The following GREB1 variants were observed in gnomAD, a reference collection of about 807,000 sequenced individuals.
GREB1 encodes the protein growth regulating estrogen receptor binding 1, also known as protein GREB1.
A neutral mutation model predicts 200.7 loss-of-function variants in GREB1; 106 were observed. The ratio of observed to expected loss-of-function variants is 0.53; its 90% CI spans 0.45 to 0.62. GREB1 has a LOEUF of 0.62. GREB1 is among the 20% of genes least tolerant of loss of function. The pLI is 0.00. For synonymous variants in GREB1, 1,132 were observed against 1,092.4 expected, an observed-to-expected ratio of 1.04 and a Z score of -0.72; for missense variants, 2,243 against 2,556.8, an observed-to-expected ratio of 0.88 and a Z score of 2.65.
intron 1 of GREB1, among the ~76,000 whole-genome samples, chr2:11,538,607 G>GTCTT (rs1674408280): frequency 6.9e-6 from 1 of 144,658 alleles, no homozygotes; most frequent in Non-Finnish European, 1.6e-5. Context: ...ACAGGAGCTT[G>GTCTT]TGTTTCTTTC....
intron 1 of GREB1, among the ~76,000 whole-genome samples, chr2:11,497,191 T>G (rs1672911109): frequency 6.6e-6 from 1 of 152,244 alleles, no homozygotes; most frequent in South Asian, 2.1e-4. Context: ...AATTCAAAAA[T>G]ATCATATAGA....
intron 17 of GREB1, among the ~76,000 whole-genome samples, chr2:11,609,491 A>ACTCCTGAC (rs1161611832): frequency 6.6e-6 from 1 of 151,860 alleles, no homozygotes; most frequent in Non-Finnish European, 1.5e-5. Context: ...GTGGCCTCAA[A>ACTCCTGAC]CTCCTGACCT....
rs367950394 is a variant in GREB1, at chr2:11,496,553, G to A, written c.-159+14172G>A. Among the ~76,000 whole-genome samples the A allele has an allele frequency of 1.6e-4, 24 of 150,984 alleles. No individual in the cohort carries two copies. In the East Asian group the frequency reaches 4.7e-3, roughly 30 times the overall value. ...TCACATGTCTGACGAACAAGGGGGA[G>A]GTCTGGATGAAAGGACGCTCTGCTT... On this transcript the variant is annotated intron_variant, in intron 1 of 2. Transcript: ENST00000628795.
chr2:11,489,256 G>C (rs182804989), intron 1 of GREB1, among the ~76,000 whole-genome samples: 2 of 152,284 alleles, frequency 1.3e-5, no homozygotes, highest in Admixed American at 1.3e-4. Context: ...GACCAGCCTG[G>C]CCAACCTGGT....
chr2:11,607,509 T>A (rs533967389), intron 17 of GREB1, among the ~76,000 whole-genome samples: 1 of 134,112 alleles, frequency 7.5e-6, no homozygotes, highest in Non-Finnish European at 1.6e-5. Context: ...TATATACATA[T>A]ATGTACATAC....
rs1685742705 is a variant in GREB1, at chr2:11,640,507, G to A, written c.*53G>A. The A allele has an allele frequency of 6.3e-7, 1 of 1,591,364 alleles. No individual in the cohort carries two copies. Among genetic ancestry groups the A allele is most frequent in the African/African-American group, 1.3e-5 (1 of 74,540 alleles). ...GATGAGTGCTCAGAGCCCTCATGCTGTTGAGGCTAAAGGGAGGCCTGGAAC... is the reference window on the plus strand; with the variant it reads ...GATGAGTGCTCAGAGCCCTCATGCTATTGAGGCTAAAGGGAGGCCTGGAAC... On this transcript the variant is annotated 3_prime_UTR_variant, in exon 33 of 33. Transcript: ENST00000381486. The surrounding 1 kb of genome is among the most constrained non-coding windows in gnomAD (Gnocchi z 4.6).
At chr2:11,553,270 T>C (rs1256963647) in intron 1 of GREB1, among the ~76,000 whole-genome samples, 2 of 152,106 alleles carry the variant, frequency 1.3e-5, no homozygotes, top group Non-Finnish European at 2.9e-5. Context: ...CTCAGCACTT[T>C]GGGAGCTCTC....
At position 11,592,841 on chromosome 2, in the gene GREB1, C is replaced by T. The variant is rs370923969; in HGVS notation, c.1411C>T (p.His471Tyr). The T allele has an allele frequency of 3.8e-6, 6 of 1,597,268 alleles. No individual in the cohort carries two copies. In the African/African-American group the frequency reaches 8.2e-5, roughly 22 times the overall value. Reference sequence around the variant, plus strand: ...CTTCCTGCGCTCTTGGCGCGAGTCGCACCTGACCGAGATCCGGCAGTACCA... The same window carrying T: ...CTTCCTGCGCTCTTGGCGCGAGTCGTACCTGACCGAGATCCGGCAGTACCA... ...QIFLRSWRESHLTEIRQYQQA... is the reference protein window; with the variant it reads ...QIFLRSWRESYLTEIRQYQQA... The change falls in exon 11 of 33, where the codon CAC (histidine) becomes TAC (tyrosine). Residue 471 changes from histidine to tyrosine, a missense_variant. By Grantham distance (83) the His-to-Tyr change is moderately conservative. This residue lies in a region of GREB1 where 1,178 missense variants were observed against 1,387.4 expected (regional missense o/e 0.85). Coordinates refer to ENST00000381486, the MANE Select transcript of GREB1 (RefSeq NM_014668.4).
chr2:11,622,754 C>A (rs1406762162), intron 23 of GREB1, among the ~76,000 whole-genome samples: 1 of 152,178 alleles, frequency 6.6e-6, no homozygotes, highest in African/African-American at 2.4e-5. Context: ...GTTTTGCTGG[C>A]ATTGGCCACC....
upstream of GREB1, among the ~76,000 whole-genome samples, chr2:11,531,021 C>G (rs1674054845): frequency 6.6e-6 from 1 of 152,142 alleles, no homozygotes; most frequent in African/African-American, 2.4e-5. Flanking sequence ...CCCCCCAAAA[C>G]TAGCCTAGTG....
chr2:11,518,419 G>A (rs879585029), intron 1 of GREB1, among the ~76,000 whole-genome samples: 1 of 151,458 alleles, frequency 6.6e-6, no homozygotes, highest in Non-Finnish European at 1.5e-5. Flanking sequence ...GCTTGTCATT[G>A]TATCTCAGAC....
intron 11 of GREB1, among the ~76,000 whole-genome samples, chr2:11,594,012 CT>C (rs35665119): frequency 6.6e-6 from 1 of 151,428 alleles, no homozygotes; most frequent in Non-Finnish European, 1.5e-5. Context: ...ATTTAATGCA[CT>C]TTTTTTTTGA....
chr2:11,545,386 C>T (rs1675172872), intron 1 of GREB1, among the ~76,000 whole-genome samples: 1 of 152,162 alleles, frequency 6.6e-6, no homozygotes, highest in Admixed American at 6.5e-5. Flanking sequence ...CCTGCCTCAG[C>T]CTCCCAAAGT....
At chr2:11,508,801 G>A (rs1215079799) in intron 1 of GREB1, among the ~76,000 whole-genome samples, 2 of 151,246 alleles carry the variant, frequency 1.3e-5, no homozygotes, top group Non-Finnish European at 2.9e-5. Flanking sequence ...TACCCAAAAC[G>A]TTCACCGTGG....
At chr2:11,610,057 G>T (rs1381084762) in intron 17 of GREB1, among the ~76,000 whole-genome samples, 1 of 152,240 alleles carries the variant, frequency 6.6e-6, no homozygotes, top group Non-Finnish European at 1.5e-5. Context: ...AGGAGAGCAG[G>T]TGGTTGTGGG....
intron 1 of GREB1, among the ~76,000 whole-genome samples, chr2:11,501,379 G>A (rs1407393299): frequency 6.6e-6 from 1 of 152,156 alleles, no homozygotes; most frequent in East Asian, 1.9e-4. Context: ...CCATGACCCA[G>A]CTCATTAAAG....
intron 1 of GREB1, among the ~76,000 whole-genome samples, chr2:11,551,593 A>C (rs1329548699): frequency 6.6e-6 from 1 of 152,232 alleles, no homozygotes; most frequent in African/African-American, 2.4e-5. Flanking sequence ...AGGCAAATGA[A>C]CTTACTTCTT....
chr2:11,485,552 G>A (rs1672637515), intron 1 of GREB1, among the ~76,000 whole-genome samples: 1 of 152,142 alleles, frequency 6.6e-6, no homozygotes, highest in Non-Finnish European at 1.5e-5. Flanking sequence ...GGGATTACAG[G>A]TGAGAGCCAC....
chr2:11,532,563 A>T (rs1414519863), upstream of GREB1, among the ~76,000 whole-genome samples: 1 of 152,170 alleles, frequency 6.6e-6, no homozygotes, highest in Non-Finnish European at 1.5e-5. Context: ...CAACCAAAAT[A>T]CTTCTGATTG....
Sources: allele counts gnomAD v4.1 joint callset (sites outside exome capture counted in the v4.1 genomes callset), GRCh38; gene constraint gnomAD v4.1.1; regional missense constraint gnomAD v4.1.1; non-coding constraint Gnocchi (gnomAD v3.1); transcripts MANE v1.5; gene names NCBI Gene and HGNC (gene_info 2026-07-23, HGNC 2026-07-21).